The following MTUS2 variants were observed in gnomAD, a reference collection of about 807,000 sequenced individuals.
The protein encoded by MTUS2 is microtubule-associated tumor suppressor candidate 2.
MTUS2 carries 40 observed loss-of-function variants against 114.1 expected under a neutral mutation model. The observed-to-expected ratio is 0.35, with a 90% CI of 0.27 to 0.46. MTUS2 has a LOEUF of 0.46. Among genes scored for constraint, MTUS2 ranks in the 20% least tolerant of loss-of-function variants. MTUS2 has a pLI of 1.00. For synonymous variants in MTUS2, 688 were observed against 672.0 expected, an observed-to-expected ratio of 1.02 and a Z score of -0.37; for missense variants, 1,679 against 1,705.4, an observed-to-expected ratio of 0.98 and a Z score of 0.27.
intron 4 of MTUS2, among the ~76,000 whole-genome samples, chr13:29,081,602 TCAA>T (rs1438168033): frequency 2.1e-5 from 3 of 142,768 alleles, no homozygotes; most frequent in Non-Finnish European, 4.6e-5. Flanking sequence ...TTTTTACCAT[TCAA>T]AGTAATGGCA....
At chr13:29,437,328 A>G (rs750853401) in intron 8 of MTUS2, among the ~76,000 whole-genome samples, 1 of 152,210 alleles carries the variant, frequency 6.6e-6, no homozygotes, top group East Asian at 1.9e-4. Flanking sequence ...GGCTGTGTTT[A>G]GATAATTATT....
At chr13:28,937,838 G>T (rs1200434811) in intron 2 of MTUS2, among the ~76,000 whole-genome samples, 1 of 152,140 alleles carries the variant, frequency 6.6e-6, no homozygotes, top group African/African-American at 2.4e-5. Context: ...TGGGTCAGCT[G>T]ACCTCTAGGT....
intron 9 of MTUS2, among the ~76,000 whole-genome samples, chr13:29,471,281 T>A (rs1880272238): frequency 6.6e-6 from 1 of 152,030 alleles, no homozygotes; most frequent in Non-Finnish European, 1.5e-5. Flanking sequence ...AGGCAGAGGA[T>A]GTTGTGAGCC....
At chr13:28,930,208 A>T (rs758891107) in intron 2 of MTUS2, among the ~76,000 whole-genome samples, 1 of 152,230 alleles carries the variant, frequency 6.6e-6, no homozygotes, top group Admixed American at 6.5e-5. Context: ...TTATCTTTTA[A>T]ATAGAAGATT....
At position 29,030,095 on chromosome 13, in the gene MTUS2, A is replaced by G. The variant is rs183711811; in HGVS notation, c.2205+3192A>G. Among the ~76,000 whole-genome samples the G allele has an allele frequency of 4.0e-3, 605 of 152,300 alleles. 3 individuals are homozygous for G. Among genetic ancestry groups the G allele is most frequent in the Admixed American group, 6.1e-3 (94 of 15,296 alleles). Reference sequence around the variant, plus strand: ...TGTAATTCTTTCTTTGTGCCCTTCTATATTTTCGTGTATATTTCTTTTCTG... The same window carrying G: ...TGTAATTCTTTCTTTGTGCCCTTCTGTATTTTCGTGTATATTTCTTTTCTG... On this transcript the variant is annotated intron_variant, in intron 3 of 15. Coordinates refer to ENST00000612955, the MANE Select transcript of MTUS2 (RefSeq NM_001033602.4).
At chr13:29,200,286 G>A (rs866487573) in intron 5 of MTUS2, among the ~76,000 whole-genome samples, 1 of 151,780 alleles carries the variant, frequency 6.6e-6, no homozygotes. Flanking sequence ...TGATGTTAGG[G>A]TGTCGATTTT....
intron 5 of MTUS2, among the ~76,000 whole-genome samples, chr13:29,176,010 A>AT (rs987685856): frequency 1.1e-4 from 17 of 149,830 alleles, no homozygotes; most frequent in South Asian, 4.2e-4. Context: ...CATAAAGAGG[A>AT]TTTTTTTTTT....
At chr13:29,484,873 C>G (rs1291577100) in intron 10 of MTUS2, 2 of 152,264 alleles carry the variant, frequency 1.3e-5, no homozygotes, top group Non-Finnish European at 2.9e-5. Flanking sequence ...TCTTACCTGT[C>G]TGAGAGGGTG....
chr13:29,281,443 G>GTA (rs1169029802), intron 5 of MTUS2, among the ~76,000 whole-genome samples: 13 of 151,964 alleles, frequency 8.6e-5, no homozygotes, highest in Non-Finnish European at 1.3e-4. Context: ...GTGTGTGTGT[G>GTA]TGTGTGCATG....
chr13:28,984,845 A>G (rs1038322359), intron 2 of MTUS2, among the ~76,000 whole-genome samples: 5 of 152,242 alleles, frequency 3.3e-5, no homozygotes, highest in Admixed American at 2.0e-4. Flanking sequence ...TTCACACTAA[A>G]TGAGATTTCT....
intron 12 of MTUS2, among the ~76,000 whole-genome samples, chr13:29,495,883 T>C (rs968209685): frequency 6.6e-6 from 1 of 152,004 alleles, no homozygotes; most frequent in Non-Finnish European, 1.5e-5. Flanking sequence ...TCTCTGTCTT[T>C]GTCTCTCTTT....
At chr13:29,415,683 T>C (rs1373592569) in intron 8 of MTUS2, among the ~76,000 whole-genome samples, 1 of 152,204 alleles carries the variant, frequency 6.6e-6, no homozygotes, top group Non-Finnish European at 1.5e-5. Context: ...ATGGTGATTT[T>C]AGTCCATTAG....
At chr13:28,848,773 C>A (rs1056120550) in intron 2 of MTUS2, among the ~76,000 whole-genome samples, 2 of 152,116 alleles carry the variant, frequency 1.3e-5, no homozygotes, top group Non-Finnish European at 2.9e-5. Context: ...TGTCAACCTA[C>A]AAGGATTTGC....
intron 8 of MTUS2, among the ~76,000 whole-genome samples, chr13:29,382,560 A>G (rs11839444): frequency 0.16 from 23,622 of 152,118 alleles, 2,622 homozygotes; most frequent in African/African-American, 0.32. Flanking sequence ...TTACGAACTG[A>G]GTTCTTAGAC....
intron 8 of MTUS2, among the ~76,000 whole-genome samples, chr13:29,365,842 T>G (rs1396283623): frequency 6.6e-6 from 1 of 152,190 alleles, no homozygotes. Flanking sequence ...GGCGACTTAT[T>G]TGAAAATAAA....
At chr13:29,469,923 G>A (rs563508556) in intron 9 of MTUS2, among the ~76,000 whole-genome samples, 11 of 152,130 alleles carry the variant, frequency 7.2e-5, no homozygotes, top group Non-Finnish European at 1.2e-4. Flanking sequence ...GGCCTCTGTA[G>A]TCATCCAGTT....
At chr13:29,370,049 A>G (rs1392744046) in intron 8 of MTUS2, among the ~76,000 whole-genome samples, 1 of 152,322 alleles carries the variant, frequency 6.6e-6, no homozygotes, top group East Asian at 1.9e-4. Context: ...AAACAGCCCC[A>G]GTTAAAAGAT....
At chr13:28,846,725 A>T (rs1422036530) in intron 2 of MTUS2, among the ~76,000 whole-genome samples, 1 of 152,248 alleles carries the variant, frequency 6.6e-6, no homozygotes, top group African/African-American at 2.4e-5. Context: ...GAAACAATGA[A>T]TCTTAATAGA....
intron 2 of MTUS2, among the ~76,000 whole-genome samples, chr13:28,941,327 ATACACTGT>A (rs1317612790): frequency 1.3e-5 from 2 of 152,218 alleles, no homozygotes; most frequent in East Asian, 3.9e-4. Context: ...ATATGTGTTT[ATACACTGT>A]AATGTATATG....
Sources: allele counts gnomAD v4.1 joint callset (sites outside exome capture counted in the v4.1 genomes callset), GRCh38; gene constraint gnomAD v4.1.1; transcripts MANE v1.5; gene names NCBI Gene and HGNC (gene_info 2026-07-23, HGNC 2026-07-21).